CENPP: variants seen among roughly 807,000 people sequenced by gnomAD.
The protein encoded by CENPP is centromere protein P.
A neutral mutation model predicts 35.6 loss-of-function variants in CENPP; 24 were observed. The ratio of observed to expected loss-of-function variants is 0.67; its 90% CI spans 0.49 to 0.95. The LOEUF (loss-of-function observed/expected upper bound fraction) is 0.95. CENPP is among the 40% of genes least tolerant of loss of function. The pLI is 0.00. For missense variants in CENPP, 332 were observed against 345.3 expected (o/e 0.96, Z 0.31); for synonymous variants, 120 against 125.5 (o/e 0.96, Z 0.29).
chr9:92,385,108 G>A (rs1842369314), intron 5 of CENPP: 1 of 152,582 alleles, frequency 6.6e-6, no homozygotes, highest in African/African-American at 2.4e-5. Context: ...TAAAATAGCT[G>A]CCTTGATAGG....
At chr9:92,464,585 C>T (rs1362056562) in intron 5 of CENPP, 1 of 445,870 alleles carries the variant, frequency 2.2e-6, no homozygotes, top group Non-Finnish European at 4.4e-6. Context: ...CTATCTTTCT[C>T]TGCTTTCTTC....
At chr9:92,535,055 T>C (rs1189675860) in intron 5 of CENPP, among the ~76,000 whole-genome samples, 1 of 152,150 alleles carries the variant, frequency 6.6e-6, no homozygotes, top group Non-Finnish European at 1.5e-5. Flanking sequence ...AGCACACCCC[T>C]CTCTCCCAGT....
At chr9:92,456,992 C>A in intron 5 of CENPP, 2 of 1,121,726 alleles carry the variant, frequency 1.8e-6, no homozygotes, top group Non-Finnish European at 1.1e-6. Context: ...TGTTAAATAC[C>A]GAATATCTTA....
chr9:92,570,474 G>C (rs1010329296), intron 5 of CENPP, among the ~76,000 whole-genome samples: 1 of 152,168 alleles, frequency 6.6e-6, no homozygotes. Context: ...GCTGGATACG[G>C]TTTGCCAGTA....
chr9:92,352,373 A>C (rs141900918), intron 4 of CENPP, among the ~76,000 whole-genome samples: 3 of 150,046 alleles, frequency 2.0e-5, no homozygotes, highest in Non-Finnish European at 3.0e-5. Context: ...ATCTGAAAAA[A>C]CAAAACCAAA....
intron 5 of CENPP, chr9:92,457,184 A>G (rs1844906136): frequency 2.1e-6 from 3 of 1,453,216 alleles, no homozygotes; most frequent in Non-Finnish European, 2.7e-6. Flanking sequence ...GAGAATAGAT[A>G]TTTGCTTGTA....
chr9:92,584,697 C>T (rs1221365566), intron 5 of CENPP, among the ~76,000 whole-genome samples: 3 of 152,166 alleles, frequency 2.0e-5, no homozygotes, highest in African/African-American at 7.2e-5. Flanking sequence ...GCAGTAGTTG[C>T]TTCTGTCTTG....
chr9:92,545,390 C>T (rs1849411622), intron 5 of CENPP, among the ~76,000 whole-genome samples: 2 of 152,204 alleles, frequency 1.3e-5, no homozygotes, highest in African/African-American at 4.8e-5. Context: ...ACTTAGCACC[C>T]CGGCCAGCAG....
At chr9:92,366,177 CAAA>C (rs79052877) in intron 4 of CENPP, among the ~76,000 whole-genome samples, 10 of 52,060 alleles carry the variant, frequency 1.9e-4, no homozygotes, top group African/African-American at 4.3e-4. Flanking sequence ...GACTCCGTCT[CAAA>C]AAAAAAAAAA....
chr9:92,533,322 A>ATAT (rs1233792688), intron 5 of CENPP, among the ~76,000 whole-genome samples: 1 of 89,522 alleles, frequency 1.1e-5, no homozygotes, highest in East Asian at 6.0e-4. Context: ...AAAAAAAAAA[A>ATAT]AAAAAAATAT....
chr9:92,332,408 G>T, intron 2 of CENPP, 57 bp downstream of exon 2: 2 of 1,147,708 alleles, frequency 1.7e-6, no homozygotes, highest in Non-Finnish European at 2.4e-6. Flanking sequence ...TTATGCATAA[G>T]AAATTGGTTG....
chr9:92,416,028 T>A (rs1427110209), intron 5 of CENPP, among the ~76,000 whole-genome samples: 10 of 135,838 alleles, frequency 7.4e-5, no homozygotes, highest in African/African-American at 2.6e-4. Context: ...ATATATTTTT[T>A]ATATATAAAT....
rs1588155080 is a variant in CENPP, at chr9:92,469,868, T to A, written c.564+90009T>A. Among the ~76,000 whole-genome samples the A allele has an allele frequency of 3.3e-5, 5 of 152,316 alleles. 1 individual carries two copies. The highest frequency in any genetic ancestry group is 3.3e-4 in the Admixed American group (5 of 15,302). ...TCTGGAGACTTCGAAATGATTTTTT[T>A]GGTTTGTTTTTGTTTTTAAGACAGG... On this transcript the variant is annotated intron_variant, in intron 5 of 7. Coordinates refer to ENST00000375587, the MANE Select transcript of CENPP (RefSeq NM_001012267.3).
chr9:92,587,428 C>G (rs757587516), intron 5 of CENPP, among the ~76,000 whole-genome samples: 4 of 151,888 alleles, frequency 2.6e-5, no homozygotes, highest in Non-Finnish European at 5.9e-5. Flanking sequence ...GAGATCATGC[C>G]GTTGCACTCC....
chr9:92,372,751 A>G (rs1350265447), intron 4 of CENPP, among the ~76,000 whole-genome samples: 2 of 151,432 alleles, frequency 1.3e-5, no homozygotes, highest in African/African-American at 4.8e-5. Flanking sequence ...ATATCATTCC[A>G]TTCTCTTCTG....
intron 5 of CENPP, among the ~76,000 whole-genome samples, chr9:92,579,551 T>C (rs1391851434): frequency 1.3e-5 from 2 of 152,250 alleles, no homozygotes; most frequent in African/African-American, 4.8e-5. Context: ...GTATTTTATT[T>C]TCTTTGAAGC....
intron 5 of CENPP, among the ~76,000 whole-genome samples, chr9:92,486,404 C>T (rs994867690): frequency 4.6e-5 from 7 of 152,208 alleles, no homozygotes; most frequent in East Asian, 1.9e-4. Flanking sequence ...CAGTATTCAA[C>T]ATGCAGATTG....
chr9:92,494,796 A>C (rs1588178292), intron 5 of CENPP, among the ~76,000 whole-genome samples: 1 of 152,128 alleles, frequency 6.6e-6, no homozygotes, highest in East Asian at 1.9e-4. Context: ...AGTCCCAGCT[A>C]CTCAGGAGGC....
At chr9:92,606,653 C>T (rs1422253776) in intron 5 of CENPP, among the ~76,000 whole-genome samples, 1 of 152,226 alleles carries the variant, frequency 6.6e-6, no homozygotes, top group Non-Finnish European at 1.5e-5. Context: ...CGCCTGTAAT[C>T]CCAACACTTT....
Sources: gnomAD v4.1 joint callset for allele counts (sites outside exome capture counted in the v4.1 genomes callset) on GRCh38, gnomAD v4.1.1 for gene constraint, MANE v1.5 for transcripts, NCBI Gene and HGNC (gene_info 2026-07-23, HGNC 2026-07-21) for gene names.